The following TMPRSS4 variants were observed in gnomAD, a reference collection of about 807,000 sequenced individuals.
TMPRSS4 encodes the protein transmembrane protease serine 4.
In TMPRSS4, 45 loss-of-function variants were observed where a neutral mutation model predicts 56.4. That is an observed-to-expected ratio of 0.80 (90% CI 0.63 to 1.02). The LOEUF (loss-of-function observed/expected upper bound fraction) is 1.02, where lower values mean the gene tolerates loss of function less well. Among genes scored for constraint, TMPRSS4 ranks in the 50% least tolerant of loss-of-function variants. The pLI is 0.00. For synonymous variants in TMPRSS4, 205 were observed against 211.0 expected (o/e 0.97, Z 0.25); for missense variants, 546 against 556.7 (o/e 0.98, Z 0.19).
chr11:118,098,021 C>T (rs1358060154), intron 2 of TMPRSS4, among the ~76,000 whole-genome samples: 1 of 152,180 alleles, frequency 6.6e-6, no homozygotes, highest in African/African-American at 2.4e-5. Flanking sequence ...CCACCCACCT[C>T]GGCCTCCCAA....
chr11:118,080,359 C>T (rs545336357), intron 1 of TMPRSS4, among the ~76,000 whole-genome samples: 1 of 152,262 alleles, frequency 6.6e-6, no homozygotes, highest in African/African-American at 2.4e-5. Context: ...ATAGGGACAA[C>T]AGGCTCTCGC....
rs540385075 is a variant in TMPRSS4 at position 118,120,391 on chromosome 11, A to G, written c.*2478A>G. 1 of 152,194 alleles carries G rather than the reference A, an allele frequency of 6.6e-6. No individual in the cohort carries two copies. Among genetic ancestry groups the G allele is most frequent in the African/African-American group, 2.4e-5 (1 of 41,530 alleles). The allele number at this position is 152,194 out of a possible 1,614,324, so 9.4% of individuals were successfully genotyped here. ...TTTGAATTTTTTGAGGAACTGATATATTGCTTTCCATAGAGACTGCACCAT... is the reference window on the plus strand; with the variant it reads ...TTTGAATTTTTTGAGGAACTGATATGTTGCTTTCCATAGAGACTGCACCAT... On this transcript the variant is annotated 3_prime_UTR_variant, in exon 13 of 13. Transcript: ENST00000437212.
chr11:118,123,158 C>A (rs555789331), downstream of TMPRSS4, among the ~76,000 whole-genome samples: 5 of 151,708 alleles, frequency 3.3e-5, no homozygotes, highest in South Asian at 8.4e-4. Context: ...CACATAATAC[C>A]CTCATATCAT....
chr11:118,119,274 C>T lies in TMPRSS4; in HGVS notation c.*1361C>T, dbSNP rs10750125. 575,380 of 984,336 alleles carry T rather than the reference C, an allele frequency of 0.58. 169,380 individuals carry two copies. The highest frequency in any genetic ancestry group is 0.69 in the South Asian group (14,607 of 21,262). The allele number at this position is 984,336 out of a possible 1,614,324, so 61.0% of individuals were successfully genotyped here. A position where few individuals can be genotyped will look rare whatever the true frequency, so the allele number is the denominator to read the frequency against. On this transcript the variant is annotated 3_prime_UTR_variant, in exon 13 of 13. Transcript: ENST00000437212. ...CTGGCAGTGGAGCTAAACCTGGACA[C>T]ACTGAAGACAAGGGAGCTGAACCAG...
Position 118,115,051 on chromosome 11 carries a change from C to T in TMPRSS4, c.1010-87C>T, listed in dbSNP as rs760607971. On this transcript the variant is annotated intron_variant, in intron 10 of 12. Transcript: ENST00000437212. The stretch of plus-strand genomic sequence containing the variant: ...CATCCTGGAGGACCAAGCACCAAGG[C>T]GCCAGGCAGAAAGCAAAGTGGTTTG... 3.3e-5 allele frequency: 51 copies of T among 1,555,716 alleles called. 1 individual carries two copies. Among genetic ancestry groups the T allele is most frequent in the Middle Eastern group, 3.4e-4 (2 of 5,914 alleles).
chr11:118,121,229 G>T lies in TMPRSS4; in HGVS notation c.*3316G>T, dbSNP rs1411218933. ...AACCTTCTCTAAAAGAATATATAAA[G>T]CATTTACTTTAGGAAGAAGGAAAAT... is the stretch of plus-strand genomic sequence containing the variant. On this transcript the variant is annotated 3_prime_UTR_variant, in exon 13 of 13. Coordinates refer to ENST00000437212, the MANE Select transcript of TMPRSS4 (RefSeq NM_019894.4). 2 of 152,178 alleles carry T rather than the reference G, an allele frequency of 1.3e-5. No individual in the cohort carries two copies. The highest frequency in any genetic ancestry group is 4.8e-5 in the African/African-American group (2 of 41,440). The allele number at this position is 152,178 out of a possible 1,614,324, so 9.4% of individuals were successfully genotyped here.
rs1306615291 is a variant in TMPRSS4, at chr11:118,083,063, G to A, written c.3+5758G>A. Among the ~76,000 whole-genome samples, 6 of 151,916 alleles carry A rather than the reference G, an allele frequency of 3.9e-5. No individual in the cohort carries two copies. The East Asian group carries it at 9.7e-4, about 25-fold the overall frequency. On this transcript the variant is annotated intron_variant, in intron 1 of 12. Transcript: ENST00000437212. ...GCCCTGCCTCCCTCTCCTCTGCTGC[G>A]CCGCTGCGGGGCTCGGTCGAATCCC...
chr11:118,091,970 A>G (rs1259845127), intron 1 of TMPRSS4, among the ~76,000 whole-genome samples: 1 of 152,214 alleles, frequency 6.6e-6, no homozygotes, highest in African/African-American at 2.4e-5. Flanking sequence ...AGTCCAGTTC[A>G]CAGTCATTTA....
At position 118,104,795 on chromosome 11, in the gene TMPRSS4, G is replaced by A; in HGVS notation, c.415G>A (p.Ala139Thr). The part of the protein sequence containing the change: ...DNFTEALAET[A>T]CRQMGYSSKP... ...CTTCACAGAAGCTCTCGCTGAGACA[G>A]CCTGTAGGCAGATGGGCTACAGCAG... Residue 139 changes from alanine to threonine, a missense_variant, in exon 5 of 13, where the codon GCC becomes ACC. By Grantham distance (58) the Ala-to-Thr change is moderately conservative. Transcript: ENST00000437212. 6.2e-7 allele frequency: 1 copy of A among 1,611,612 alleles called. No individual in the cohort carries two copies. The highest frequency in any genetic ancestry group is 8.5e-7 in the Non-Finnish European group (1 of 1,178,836).
intron 7 of TMPRSS4, among the ~76,000 whole-genome samples, chr11:118,111,523 G>A (rs1947278022): frequency 6.6e-6 from 1 of 150,836 alleles, no homozygotes; most frequent in Non-Finnish European, 1.5e-5. Context: ...AAAAAAAAAA[G>A]AAAGAAAGAA....
chr11:118,115,341 G>A, intron 11 of TMPRSS4, 61 bp downstream of exon 11: 1 of 1,574,088 alleles, frequency 6.4e-7, no homozygotes, highest in Non-Finnish European at 8.6e-7. Flanking sequence ...AGAGAGATGA[G>A]AAAACCCAGA....
chr11:118,091,877 T>A (rs1397739862), intron 1 of TMPRSS4, among the ~76,000 whole-genome samples: 2 of 152,126 alleles, frequency 1.3e-5, no homozygotes, highest in Admixed American at 1.3e-4. Context: ...ATCTTCAGCC[T>A]GGAAAGAGTC....
At chr11:118,123,242 C>T (rs1947827826), downstream of TMPRSS4, among the ~76,000 whole-genome samples, 2 of 152,192 alleles carry the variant, frequency 1.3e-5, no homozygotes, top group South Asian at 4.2e-4. Flanking sequence ...ATCACCTTAC[C>T]CACTAACAGT....
chr11:118,092,153 T>C (rs1429218228), intron 1 of TMPRSS4, among the ~76,000 whole-genome samples: 1 of 152,170 alleles, frequency 6.6e-6, no homozygotes, highest in Non-Finnish European at 1.5e-5. Context: ...TAAACACCTG[T>C]ACCAAATGCT....
At chr11:118,096,118 A>G (rs925666744) in intron 2 of TMPRSS4, among the ~76,000 whole-genome samples, 2 of 152,234 alleles carry the variant, frequency 1.3e-5, no homozygotes, top group Non-Finnish European at 2.9e-5. Context: ...GCATGAATTC[A>G]TGAACAAAAT....
intron 5 of TMPRSS4, chr11:118,106,980 A>C (rs539583242): frequency 6.6e-6 from 1 of 152,298 alleles, no homozygotes; most frequent in South Asian, 2.1e-4. Context: ...TTCCTGCCTG[A>C]GAATGTGCCA....
Position 118,115,221 on chromosome 11 carries a change from G to T in TMPRSS4, c.1093G>T (p.Glu365Ter). 6.2e-7 allele frequency: 1 copy of T among 1,612,986 alleles called. No individual in the cohort carries two copies. The highest frequency in any genetic ancestry group is 8.5e-7 in the Non-Finnish European group (1 of 1,179,906). ...RCNADDAYQG[E>*]VTEKMMCAGI... ...CAATGCAGACGATGCGTACCAGGGG[G>T]AAGTCACCGAGAAGATGATGTGTGC... Residue 365 changes from glutamate (E) to a stop codon, truncating the protein, a stop_gained, in exon 11 of 13, where the codon GAA becomes TAA. Coordinates refer to ENST00000437212, the MANE Select transcript of TMPRSS4 (RefSeq NM_019894.4). LOFTEE classifies it high-confidence loss of function.
At position 118,119,199 on chromosome 11, in the gene TMPRSS4, A is replaced by T; in HGVS notation, c.*1286A>T. On this transcript the variant is annotated 3_prime_UTR_variant, in exon 13 of 13. Transcript: ENST00000437212. Reference sequence around the variant, plus strand: ...AGAACTGTGAGTGGAAACTAAGGTGATGATCTGGGAGCAATACACTAAAAT... The same window carrying T: ...AGAACTGTGAGTGGAAACTAAGGTGTTGATCTGGGAGCAATACACTAAAAT... 8 of 985,448 alleles carry T rather than the reference A, an allele frequency of 8.1e-6. No individual in the cohort carries two copies. The highest frequency in any genetic ancestry group is 9.6e-6 in the Non-Finnish European group (8 of 829,938). The allele number at this position is 985,448 out of a possible 1,614,324, so 61.0% of individuals were successfully genotyped here.
downstream of TMPRSS4, among the ~76,000 whole-genome samples, chr11:118,122,826 A>G (rs1299184161): frequency 6.6e-6 from 1 of 152,136 alleles, no homozygotes; most frequent in Non-Finnish European, 1.5e-5. Context: ...CTAACCCCCA[A>G]GGTGATGGTA....
Sources: gnomAD v4.1 joint callset for allele counts (sites outside exome capture counted in the v4.1 genomes callset) on GRCh38, gnomAD v4.1.1 for gene constraint, MANE v1.5 for transcripts, NCBI Gene and HGNC (gene_info 2026-07-23, HGNC 2026-07-21) for gene names.